The following OSTM1 variants were observed in gnomAD, a reference collection of about 807,000 sequenced individuals.
OSTM1 encodes the protein osteopetrosis-associated transmembrane protein 1.
OSTM1 carries 26 observed loss-of-function variants against 35.4 expected under a neutral mutation model. The observed-to-expected ratio is 0.73, with a 90% CI of 0.54 to 1.02. The LOEUF is 1.02. Ranked by LOEUF, OSTM1 falls within the 50% of genes least tolerant of loss-of-function variation. The probability of loss-of-function intolerance (pLI) is 0.00; values close to 1 mark genes in which losing one functional copy is unlikely to be tolerated. For synonymous variants in OSTM1, 181 were observed against 165.0 expected, an observed-to-expected ratio of 1.10 and a Z score of -0.75; for missense variants, 366 against 409.6, an observed-to-expected ratio of 0.89 and a Z score of 0.92.
At chr6:108,073,291 T>A (rs1772518484) in intron 1 of OSTM1, among the ~76,000 whole-genome samples, 1 of 152,152 alleles carries the variant, frequency 6.6e-6, no homozygotes, top group South Asian at 2.1e-4. Context: ...CATTCTCCAA[T>A]CCCAATGTTA....
At chr6:108,070,012 T>C (rs1467936442) in intron 1 of OSTM1, among the ~76,000 whole-genome samples, 1 of 152,150 alleles carries the variant, frequency 6.6e-6, no homozygotes, top group Non-Finnish European at 1.5e-5. Context: ...TTTCCCCTGA[T>C]GAACCAGCCT....
Position 108,049,404 on chromosome 6 carries a change from T to C in OSTM1, c.798A>G (p.Arg266=), listed in dbSNP as rs1772038693. The part of the protein sequence containing the change: ...IDVEDAMNIT[R]KLWSRTFNCS... ...AGTTGAAAGTTCGACTCCATAGTTT[T>C]CGAGTGATGTTCATCTGGAACAAGA... is the stretch of plus-strand genomic sequence containing the variant. Residue 266 remains arginine, a synonymous_variant, in exon 5 of 6, where the codon CGA becomes CGG. Transcript: ENST00000193322. 6.2e-7 allele frequency: 1 copy of C among 1,613,668 alleles called. No homozygotes were observed. Among genetic ancestry groups the C allele is most frequent in the Admixed American group, 1.7e-5 (1 of 60,002 alleles).
chr6:108,059,389 A>T (rs9386703), intron 2 of OSTM1, among the ~76,000 whole-genome samples: 35,178 of 152,088 alleles, frequency 0.23, 4,171 homozygotes, highest in Admixed American at 0.26. Context: ...CAATAACCAG[A>T]TTCCTACCAA....
At position 108,044,526 on chromosome 6, in the gene OSTM1, C is replaced by T; in HGVS notation, c.*259G>A. On this transcript the variant is annotated 3_prime_UTR_variant, in exon 6 of 6. Transcript: ENST00000193322. ...CCTATAAAATAAAATAATGATTGTT[C>T]TTGCATGTTCTGTTATTGTGACAAA... The T allele has an allele frequency of 3.4e-6, 1 of 297,874 alleles. No homozygotes were observed. Among genetic ancestry groups the T allele is most frequent in the Non-Finnish European group, 6.2e-6 (1 of 162,352 alleles). The allele number at this position is 297,874 out of a possible 1,614,324, so 18.5% of individuals were successfully genotyped here.
rs1334070140 is a variant in OSTM1, at chr6:108,043,731, T to C, written c.*1054A>G. On this transcript the variant is annotated 3_prime_UTR_variant, in exon 6 of 6. Coordinates refer to ENST00000193322, the MANE Select transcript of OSTM1 (RefSeq NM_014028.4). Reference sequence around the variant, plus strand: ...ATCACTTTCATCTGATTGAAATAATTTAGAAACAATAAGGATGATCTTAAT... The same window carrying C: ...ATCACTTTCATCTGATTGAAATAATCTAGAAACAATAAGGATGATCTTAAT... The C allele has an allele frequency of 1.3e-5, 2 of 152,188 alleles. No homozygotes were observed. Among genetic ancestry groups the C allele is most frequent in the Non-Finnish European group, 2.9e-5 (2 of 68,036 alleles). 9.4% of individuals were successfully genotyped at this position (152,188 alleles called of 1,614,324 possible). A position where few individuals can be genotyped will look rare whatever the true frequency, so the allele number is the denominator to read the frequency against.
chr6:108,058,065 T>C (rs1009413857), intron 2 of OSTM1, among the ~76,000 whole-genome samples: 9 of 147,078 alleles, frequency 6.1e-5, no homozygotes, highest in Admixed American at 2.7e-4. Context: ...TTTTTTTTTT[T>C]CTGAGACAGA....
At chr6:108,059,471 C>T (rs373791283) in intron 2 of OSTM1, among the ~76,000 whole-genome samples, 2 of 152,268 alleles carry the variant, frequency 1.3e-5, no homozygotes, top group East Asian at 1.9e-4. Flanking sequence ...ATGGCATTCT[C>T]TCCTCTCTTG....
rs58798743 is a variant in OSTM1 at position 108,042,414 on chromosome 6, C to CTTTTTTTTTTTT, written c.*2359_*2370dup. 3.1e-5 allele frequency: 4 copies of CTTTTTTTTTTTT among 129,272 alleles called. 1 individual carries two copies. Among genetic ancestry groups the CTTTTTTTTTTTT allele is most frequent in the African/African-American group, 1.2e-4 (4 of 34,230 alleles). The allele number at this position is 129,272 out of a possible 1,614,324, so 8.0% of individuals were successfully genotyped here. A position where few individuals can be genotyped will look rare whatever the true frequency, so the allele number is the denominator to read the frequency against. On this transcript the variant is annotated 3_prime_UTR_variant, in exon 6 of 6. Transcript: ENST00000193322. ...TAAGACAGACAGTACTTTCTTTTTT[C>CTTTTTTTTTTTT]TTTTTTTTTTTTTTTTTTTGAGACA...
intron 5 of OSTM1, among the ~76,000 whole-genome samples, chr6:108,046,531 G>C (rs1259800920): frequency 6.9e-6 from 1 of 145,976 alleles, no homozygotes; most frequent in African/African-American, 2.6e-5. Flanking sequence ...ATTTTTAGTA[G>C]AGATGGGGTT....
chr6:108,070,897 A>C (rs1273802026), intron 1 of OSTM1, among the ~76,000 whole-genome samples: 23 of 150,906 alleles, frequency 1.5e-4, no homozygotes, highest in Non-Finnish European at 2.7e-4. Flanking sequence ...TCTCAAAAAA[A>C]AAAAAAAAGG....
intron 2 of OSTM1, among the ~76,000 whole-genome samples, chr6:108,056,843 C>A (rs760250307): frequency 3.3e-5 from 5 of 152,036 alleles, no homozygotes; most frequent in Admixed American, 6.5e-5. Flanking sequence ...TAACTTCTCA[C>A]CCTTATTTAA....
In OSTM1 at chr6:108,049,302, G is replaced by A. The variant is rs780693809; in HGVS notation, c.900C>T (p.Tyr300=). Residue 300 remains tyrosine, a synonymous_variant, in exon 5 of 6, where the codon TAC becomes TAT. Transcript: ENST00000193322. ...VFILFLPVVF[Y]LSSFLHSEQK... ...GCTCTGAGTGAAGAAAGCTACTAAG[G>A]TAGAAGACAACAGGTAGAAAGAGAA... 1.4e-5 allele frequency: 22 copies of A among 1,612,988 alleles called. No individual in the cohort carries two copies. Among genetic ancestry groups the A allele is most frequent in the Non-Finnish European group, 1.8e-5 (21 of 1,179,168 alleles).
intron 2 of OSTM1, among the ~76,000 whole-genome samples, chr6:108,063,918 G>T (rs1188270617): frequency 6.6e-6 from 1 of 152,152 alleles, no homozygotes; most frequent in Admixed American, 6.5e-5. Context: ...ATATCTGACA[G>T]CTAGTAGGTT....
At position 108,061,292 on chromosome 6, in the gene OSTM1, A is replaced by G. The variant is rs1449284527; in HGVS notation, c.517+2893T>C. On this transcript the variant is annotated intron_variant, in intron 2 of 5. Transcript: ENST00000193322. ...TTCTTCATATGAACTAAACAAAAAGACAAGTCTTGATAAAAGCTAAGCTAC... is the reference window on the plus strand; with the variant it reads ...TTCTTCATATGAACTAAACAAAAAGGCAAGTCTTGATAAAAGCTAAGCTAC... 3.3e-5 allele frequency among the ~76,000 whole-genome samples: 5 copies of G among 152,312 alleles called. No individual in the cohort carries two copies. The Middle Eastern group carries it at 0.01, about 311-fold the overall frequency.
chr6:108,062,336 A>G (rs982989288), intron 2 of OSTM1, among the ~76,000 whole-genome samples: 2 of 152,132 alleles, frequency 1.3e-5, no homozygotes, highest in Non-Finnish European at 2.9e-5. Flanking sequence ...AAGTAGATGA[A>G]GCAGGATGGC....
At chr6:108,059,236 T>G (rs1207941726) in intron 2 of OSTM1, among the ~76,000 whole-genome samples, 1 of 152,226 alleles carries the variant, frequency 6.6e-6, no homozygotes, top group Non-Finnish European at 1.5e-5. Flanking sequence ...ATACACACCT[T>G]TAAAATTCTG....
At chr6:108,060,730 A>T (rs955433837) in intron 2 of OSTM1, 1 of 152,180 alleles carries the variant, frequency 6.6e-6, no homozygotes, top group Admixed American at 6.6e-5. Flanking sequence ...AAAATCAAAC[A>T]AACAAAAACA....
At chr6:108,046,338 CTTTT>C (rs924718207) in intron 5 of OSTM1, among the ~76,000 whole-genome samples, 5 of 131,174 alleles carry the variant, frequency 3.8e-5, no homozygotes, top group Admixed American at 8.4e-5. Context: ...TCTCTGGTTT[CTTTT>C]TTTTCTTTTT....
At chr6:108,073,201 C>T (rs1271781512) in intron 1 of OSTM1, among the ~76,000 whole-genome samples, 3 of 152,192 alleles carry the variant, frequency 2.0e-5, no homozygotes, top group Non-Finnish European at 4.4e-5. Context: ...CAAGTTTAGA[C>T]AAGTTTAAAT....
Sources: allele counts gnomAD v4.1 joint callset (sites outside exome capture counted in the v4.1 genomes callset), GRCh38; gene constraint gnomAD v4.1.1; transcripts MANE v1.5; gene names NCBI Gene and HGNC (gene_info 2026-07-23, HGNC 2026-07-21).